NOTCH4: variants seen among roughly 807,000 people sequenced by gnomAD.
NOTCH4 encodes notch receptor 4.
In NOTCH4, 138 loss-of-function variants were observed where a neutral mutation model predicts 189.0. The ratio of observed to expected loss-of-function variants is 0.73; its 90% CI spans 0.64 to 0.84. The LOEUF (loss-of-function observed/expected upper bound fraction) is 0.84. NOTCH4 is among the 40% of genes least tolerant of loss of function. NOTCH4 has a pLI of 0.00. For missense variants in NOTCH4, 2,286 were observed against 2,605.4 expected (o/e 0.88, Z 2.67); for synonymous variants, 942 against 1,032.8 (o/e 0.91, Z 1.69).
intron 12 of NOTCH4, 89 bp downstream of exon 12, chr6:32,215,137 C>T: frequency 2.4e-6 from 3 of 1,242,172 alleles, no homozygotes; most frequent in Non-Finnish European, 3.3e-6. Context: ...TCATTTCTCA[C>T]AGACCTACAT....
chr6:32,200,360 G>A lies in NOTCH4; in HGVS notation c.4315+471C>T, dbSNP rs1006041890. 6.6e-6 allele frequency among the ~76,000 whole-genome samples: 1 copy of A among 152,034 alleles called. No individual in the cohort carries two copies. The highest frequency in any genetic ancestry group is 6.5e-5 in the Admixed American group (1 of 15,268). Reference sequence around the variant, plus strand: ...TGAGTAGCTGAGACTACAAGCACCCGCCACCACAGCCGGCTAATTTTTTTA... The same window carrying A: ...TGAGTAGCTGAGACTACAAGCACCCACCACCACAGCCGGCTAATTTTTTTA... On this transcript the variant is annotated intron_variant, in intron 23 of 29. Coordinates refer to ENST00000375023, the MANE Select transcript of NOTCH4 (RefSeq NM_004557.4). This position sits in a 1 kb window ranked among gnomAD's most constrained non-coding sequence, Gnocchi z 5.0.
Position 32,220,246 on chromosome 6 carries a change from G to T in NOTCH4, c.1198C>A (p.Pro400Thr). 1 of 1,613,686 alleles carries T rather than the reference G, an allele frequency of 6.2e-7. No homozygotes were observed. The highest frequency in any genetic ancestry group is 1.7e-4 in the Middle Eastern group (1 of 6,052). ...CHLEDMCLSQ[P>T]CHGDAQCSTN... is the part of the protein sequence containing the mutation. ...CTGCATTGGGCATCCCCATGGCACG[G>T]CTGGCTCAGACACATGTCTTCCAAG... The change falls in exon 7 of 30, where the codon CCG becomes ACG. Residue 400 changes from proline (P) to threonine (T), a missense_variant. Around this residue, in one of 2 missense-constraint regions of NOTCH4, gnomAD observed 1,903 missense variants for 2,261.9 expected, o/e 0.84. Transcript: ENST00000375023.
chr6:32,196,777 G>T, intron 28 of NOTCH4, 148 bp downstream of exon 28: 2 of 1,044,100 alleles, frequency 1.9e-6, no homozygotes, highest in Admixed American at 1.9e-5. Flanking sequence ...AAACTCACGC[G>T]GCCCGTACTT....
At position 32,201,101 on chromosome 6, in the gene NOTCH4, C is replaced by T. The variant is rs1414028991; in HGVS notation, c.4139+16G>A. The T allele has an allele frequency of 6.3e-7, 1 of 1,596,780 alleles. No homozygotes were observed. The highest frequency in any genetic ancestry group is 8.5e-7 in the Non-Finnish European group (1 of 1,171,556). On this transcript the variant is annotated intron_variant, in intron 22 of 29. Coordinates refer to ENST00000375023, the MANE Select transcript of NOTCH4 (RefSeq NM_004557.4). The surrounding 1 kb of genome is among the most constrained non-coding windows in gnomAD (Gnocchi z 5.5). ...AAAAACTGGTGTCTGGCCCTTCCCT[C>T]CACCTAGCTTCTTACCCAGCACTGA...
chr6:32,216,827 G>T (rs751007111), intron 11 of NOTCH4, 118 bp downstream of exon 11: 8 of 1,217,538 alleles, frequency 6.6e-6, no homozygotes, highest in Non-Finnish European at 1.2e-6. Context: ...AACTTTAAAG[G>T]ATACCATTCT....
In NOTCH4 at chr6:32,210,216, A is replaced by T. The variant is rs905783053; in HGVS notation, c.2865+536T>A. On this transcript the variant is annotated intron_variant, in intron 18 of 29. Transcript: ENST00000375023. The surrounding 1 kb of genome is among the most constrained non-coding windows in gnomAD (Gnocchi z 4.8). The stretch of plus-strand genomic sequence containing the variant: ...GTGTCAATAGCAGGGATAAAGGCTG[A>T]GAGGCAAGAATCAGTATGGGGTACG... 1.3e-5 allele frequency among the ~76,000 whole-genome samples: 2 copies of T among 152,196 alleles called. No homozygotes were observed. Among genetic ancestry groups the T allele is most frequent in the African/African-American group, 4.8e-5 (2 of 41,458 alleles).
chr6:32,200,996 C>G lies in NOTCH4; in HGVS notation c.4150G>C (p.Val1384Leu). Residue 1384 changes from valine to leucine, a missense_variant, in exon 23 of 30, where the codon GTC becomes CTC. Around this residue, in one of 2 missense-constraint regions of NOTCH4, gnomAD observed 1,903 missense variants for 2,261.9 expected, o/e 0.84. Transcript: ENST00000375023. This position sits in a 1 kb window ranked among gnomAD's most constrained non-coding sequence, Gnocchi z 5.0. ...CAGCGGGACAAATCCACACCCATGA[C>G]CACCACAAACCTGTAGAGGAGGCAC... ...TDSLSAGFVV[V>L]MGVDLSRCGP... The G allele has an allele frequency of 6.4e-7, 1 of 1,565,958 alleles. No individual in the cohort carries two copies. Among genetic ancestry groups the G allele is most frequent in the Non-Finnish European group, 8.7e-7 (1 of 1,155,898 alleles).
intron 8 of NOTCH4, 46 bp downstream of exon 8, chr6:32,219,546 G>A: frequency 6.4e-7 from 1 of 1,561,584 alleles, no homozygotes; most frequent in South Asian, 1.2e-5. Context: ...GTGGGTTCAG[G>A]ACTAGTTCCC....
chr6:32,210,713 C>A lies in NOTCH4; in HGVS notation c.2865+39G>T. 1 of 1,599,132 alleles carries A rather than the reference C, an allele frequency of 6.3e-7. No individual in the cohort carries two copies. The highest frequency in any genetic ancestry group is 1.3e-5 in the African/African-American group (1 of 74,680). ...CTACTGTCTCTCCCATCCAGCCCAC[C>A]CTTGTCTTTCCTCCCCCTTCTCCTG... On this transcript the variant is annotated intron_variant, in intron 18 of 29. Transcript: ENST00000375023. The surrounding 1 kb of genome is among the most constrained non-coding windows in gnomAD (Gnocchi z 4.8).
chr6:32,214,466 G>GATATATATATATATATATAT (rs1554151235), intron 12 of NOTCH4, among the ~76,000 whole-genome samples: 7 of 116,730 alleles, frequency 6.0e-5, no homozygotes, highest in East Asian at 5.2e-4. Context: ...TCTAGTTGGA[G>GATATATATATATATATATAT]ATATATATAT....
At chr6:32,216,760 C>T (rs911332839) in intron 11 of NOTCH4, 185 bp downstream of exon 11, 100 of 749,104 alleles carry the variant, frequency 1.3e-4, no homozygotes, top group South Asian at 6.5e-4. Context: ...GTGGGCCCTA[C>T]GGTAACCCCT....
In NOTCH4 at chr6:32,198,540, G is replaced by C; in HGVS notation, c.4637C>G (p.Pro1546Arg). ...CAGAGACCAGAGCTGGCACGTGGAG[G>C]GTGGGCCTGTTTCTTCAGCCTTTGG... ...EVGQAEETGP[P>R]STCQLWSLSG... is the part of the protein sequence containing the mutation. The change falls in exon 26 of 30, where the codon CCC (proline) becomes CGC (arginine). Residue 1546 changes from proline to arginine, a missense_variant. By Grantham distance (103) the Pro-to-Arg change is moderately radical. Coordinates refer to ENST00000375023, the MANE Select transcript of NOTCH4 (RefSeq NM_004557.4). This position sits in a 1 kb window ranked among gnomAD's most constrained non-coding sequence, Gnocchi z 5.5. The C allele has an allele frequency of 1.9e-6, 3 of 1,612,928 alleles. No individual in the cohort carries two copies. The highest frequency in any genetic ancestry group is 2.2e-5 in the South Asian group (2 of 91,062).
intron 8 of NOTCH4, 42 bp from the exon 9 acceptor site, chr6:32,218,150 C>T (rs1263563940): frequency 1.6e-6 from 2 of 1,227,654 alleles, no homozygotes; most frequent in East Asian, 4.9e-5. Context: ...TCAGCCAGGT[C>T]TGCCTGGGAG....
intron 18 of NOTCH4, among the ~76,000 whole-genome samples, chr6:32,208,561 C>T (rs1788834163): frequency 6.6e-6 from 1 of 152,138 alleles, no homozygotes; most frequent in African/African-American, 2.4e-5. Context: ...GGTGAAACCC[C>T]ATCTCTACTA....
At position 32,197,039 on chromosome 6, in the gene NOTCH4, C is replaced by T. The variant is rs1406013289; in HGVS notation, c.5086G>A (p.Ala1696Thr). 2.5e-6 allele frequency: 4 copies of T among 1,612,748 alleles called. No individual in the cohort carries two copies. The highest frequency in any genetic ancestry group is 3.4e-6 in the Non-Finnish European group (4 of 1,180,036). ...GGTGTGGTCCCGTCCTCTGTGCGAG[C>T]GTCCACTGCAGTTTGTCTGCTACGG... is the stretch of plus-strand genomic sequence containing the variant. ...LLRSRQTAVD[A>T]RTEDGTTPLM... The change falls in exon 28 of 30, where the codon GCT becomes ACT. Residue 1696 changes from alanine to threonine, a missense_variant. This residue lies in a region of NOTCH4 where 1,903 missense variants were observed against 2,261.9 expected (regional missense o/e 0.84). Transcript: ENST00000375023.
chr6:32,203,466 C>T (rs1788478945), intron 20 of NOTCH4: 2 of 410,948 alleles, frequency 4.9e-6, no homozygotes, highest in South Asian at 4.7e-5. Context: ...AATACATATA[C>T]AAACACACAC....
intron 14 of NOTCH4, 85 bp downstream of exon 14, chr6:32,213,603 T>A (rs1789169740): frequency 1.3e-6 from 2 of 1,493,490 alleles, no homozygotes; most frequent in Admixed American, 2.1e-5. Context: ...TTCAATTAAA[T>A]TTTAAAAAAT....
At chr6:32,215,109 C>T in intron 12 of NOTCH4, 117 bp downstream of exon 12, 1 of 995,926 alleles carries the variant, frequency 1.0e-6, no homozygotes, top group Non-Finnish European at 1.4e-6. Context: ...TTGCCATCTC[C>T]TTCCTTTTCC....
chr6:32,197,141 A>G, intron 27 of NOTCH4, 69 bp from the exon 28 acceptor site: 9 of 1,566,628 alleles, frequency 5.7e-6, no homozygotes, highest in South Asian at 1.1e-5. Flanking sequence ...TTACACTATT[A>G]ACCCCACTCG....
Sources: allele counts gnomAD v4.1 joint callset (sites outside exome capture counted in the v4.1 genomes callset), GRCh38; gene constraint gnomAD v4.1.1; regional missense constraint gnomAD v4.1.1; non-coding constraint Gnocchi (gnomAD v3.1); transcripts MANE v1.5; gene names NCBI Gene and HGNC (gene_info 2026-07-23, HGNC 2026-07-21).